Variants in MED27 observed in about 807,000 individuals in gnomAD.
MED27 encodes mediator of RNA polymerase II transcription subunit 27.
A neutral mutation model predicts 38.2 loss-of-function variants in MED27; 30 were observed. That is an observed-to-expected ratio of 0.79 (90% CI 0.59 to 1.07). The LOEUF (loss-of-function observed/expected upper bound fraction) is 1.07. Ranked by LOEUF, MED27 falls within the 50% of genes least tolerant of loss-of-function variation. MED27 has a pLI of 0.00. For synonymous variants in MED27, 122 were observed against 153.5 expected (o/e 0.79, Z 1.52); for missense variants, 289 against 397.5 (o/e 0.73, Z 2.32).
chr9:131,910,781 C>G (rs374666502), intron 4 of MED27, among the ~76,000 whole-genome samples: 2 of 152,198 alleles, frequency 1.3e-5, no homozygotes, highest in South Asian at 2.1e-4. Context: ...CTCTTTGCAG[C>G]CAAAGGACAA....
intron 4 of MED27, among the ~76,000 whole-genome samples, chr9:131,903,316 T>C (rs144697330): frequency 2.6e-4 from 40 of 152,238 alleles, no homozygotes; most frequent in African/African-American, 7.7e-4. Context: ...ATCCACTCAT[T>C]ATCATGAGAA....
chr9:131,896,559 G>C (rs1829836295), intron 4 of MED27, among the ~76,000 whole-genome samples: 1 of 151,788 alleles, frequency 6.6e-6, no homozygotes, highest in South Asian at 2.1e-4. Context: ...GTTTATTATG[G>C]AAAAATCTAA....
chr9:132,046,042 C>T (rs1833330698), intron 2 of MED27, among the ~76,000 whole-genome samples: 1 of 152,168 alleles, frequency 6.6e-6, no homozygotes, highest in African/African-American at 2.4e-5. Flanking sequence ...GCTCCCAGAC[C>T]AACTCTGTGA....
rs577890157 is a variant in MED27 at position 131,997,075 on chromosome 9, T to C, written c.479+17262A>G. On this transcript the variant is annotated intron_variant, in intron 3 of 7. Coordinates refer to ENST00000292035, the MANE Select transcript of MED27 (RefSeq NM_004269.4). The surrounding 1 kb of genome is among the most constrained non-coding windows in gnomAD (Gnocchi z 4.0). ...TTAAGGGTCAACTGTAGTTTAACAG[T>C]GGGTATTCATTGTAAAAAATAAAAT... 1.1e-4 allele frequency among the ~76,000 whole-genome samples: 17 copies of C among 152,238 alleles called. No homozygotes were observed. The South Asian group carries it at 3.5e-3, about 32-fold the overall frequency.
chr9:131,980,210 CG>C (rs896525416), intron 3 of MED27, among the ~76,000 whole-genome samples: 6 of 55,012 alleles, frequency 1.1e-4, no homozygotes, highest in African/African-American at 1.6e-4. Flanking sequence ...AGGCGGGTGG[CG>C]GGGGGGAGAG....
intron 4 of MED27, among the ~76,000 whole-genome samples, chr9:131,920,286 C>T (rs1830365207): frequency 6.6e-6 from 1 of 152,218 alleles, no homozygotes; most frequent in African/African-American, 2.4e-5. Flanking sequence ...AGGTATATGT[C>T]TGTTTTTCTC....
At chr9:131,983,441 G>T (rs1229152914) in intron 3 of MED27, among the ~76,000 whole-genome samples, 5 of 152,168 alleles carry the variant, frequency 3.3e-5, no homozygotes, top group African/African-American at 9.7e-5. Flanking sequence ...AGGGAAGAGG[G>T]TCCTTTTATT....
chr9:131,919,290 T>C (rs1273128085), intron 4 of MED27, among the ~76,000 whole-genome samples: 2 of 152,134 alleles, frequency 1.3e-5, no homozygotes. Flanking sequence ...CAGAATTGAG[T>C]GGGCCCAGAA....
chr9:131,861,094 A>AGGACAATTCC lies in MED27; in HGVS notation c.802-432_802-423dup, dbSNP rs889430843. Among the ~76,000 whole-genome samples, 1 of 152,108 alleles carries AGGACAATTCC rather than the reference A, an allele frequency of 6.6e-6. No homozygotes were observed. Among genetic ancestry groups the AGGACAATTCC allele is most frequent in the African/African-American group, 2.4e-5 (1 of 41,400 alleles). On this transcript the variant is annotated intron_variant, in intron 7 of 7. Transcript: ENST00000292035. The surrounding 1 kb of genome is among the most constrained non-coding windows in gnomAD (Gnocchi z 4.4). ...GTGTGCTGAGGAAGCCTTGGAACCG[A>AGGACAATTCC]GGACAATTCCAGAGTTCTCCGCGGA...
At chr9:132,041,637 G>A (rs1019898755) in intron 2 of MED27, among the ~76,000 whole-genome samples, 1 of 152,224 alleles carries the variant, frequency 6.6e-6, no homozygotes, top group Non-Finnish European at 1.5e-5. Flanking sequence ...CTGAAAGATG[G>A]ACAGTCACAG....
intron 4 of MED27, among the ~76,000 whole-genome samples, chr9:131,895,295 G>C (rs1277934135): frequency 6.6e-6 from 1 of 152,218 alleles, no homozygotes; most frequent in African/African-American, 2.4e-5. Context: ...CATAGTGCGA[G>C]TTGCTCTGAT....
intron 3 of MED27, among the ~76,000 whole-genome samples, chr9:131,943,114 A>T (rs1416291109): frequency 2.0e-5 from 3 of 152,184 alleles, no homozygotes; most frequent in African/African-American, 7.2e-5. Context: ...TTCCATTCAC[A>T]TGCCTAATAC....
intron 2 of MED27, among the ~76,000 whole-genome samples, chr9:132,036,250 C>G (rs1371732416): frequency 1.3e-5 from 2 of 152,114 alleles, no homozygotes; most frequent in African/African-American, 2.4e-5. Flanking sequence ...GTTGCCCATG[C>G]TGGAGTGCAG....
intron 3 of MED27, among the ~76,000 whole-genome samples, chr9:131,968,524 A>T (rs1346568097): frequency 6.6e-6 from 1 of 150,612 alleles, no homozygotes; most frequent in Non-Finnish European, 1.5e-5. Flanking sequence ...AAGGGACCCA[A>T]CCCTCTTCTT....
chr9:131,883,999 C>A lies in MED27; in HGVS notation c.723+59G>T. On this transcript the variant is annotated intron_variant, in intron 6 of 7. Transcript: ENST00000292035. This position sits in a 1 kb window ranked among gnomAD's most constrained non-coding sequence, Gnocchi z 4.2. Reference sequence around the variant, plus strand: ...TCTGATTTGAGACCAATGTTTAAACCTCAAAGCATTCACGTTTTCCTAATG... The same window carrying A: ...TCTGATTTGAGACCAATGTTTAAACATCAAAGCATTCACGTTTTCCTAATG... The A allele has an allele frequency of 1.4e-6, 2 of 1,463,608 alleles. No homozygotes were observed. Among genetic ancestry groups the A allele is most frequent in the Non-Finnish European group, 1.9e-6 (2 of 1,052,080 alleles). The allele number at this position is 1,463,608 out of a possible 1,614,324, so 90.7% of individuals were successfully genotyped here. A position where few individuals can be genotyped will look rare whatever the true frequency, so the allele number is the denominator to read the frequency against.
At chr9:132,002,021 G>A (rs1361917970) in intron 3 of MED27, among the ~76,000 whole-genome samples, 5 of 152,188 alleles carry the variant, frequency 3.3e-5, no homozygotes, top group Non-Finnish European at 7.3e-5. Context: ...GCAAAGCTGT[G>A]GCCCTGCATC....
chr9:132,042,646 T>C (rs1479166070), intron 2 of MED27, among the ~76,000 whole-genome samples: 1 of 152,232 alleles, frequency 6.6e-6, no homozygotes, highest in Non-Finnish European at 1.5e-5. Context: ...CTTAGATCTA[T>C]GAGTGGACCC....
chr9:132,048,267 T>C (rs2131131720), intron 2 of MED27, among the ~76,000 whole-genome samples: 1 of 152,144 alleles, frequency 6.6e-6, no homozygotes, highest in Non-Finnish European at 1.5e-5. Context: ...AATTTTTCTC[T>C]CAGGAATGGA....
intron 6 of MED27, among the ~76,000 whole-genome samples, chr9:131,877,402 CT>C (rs1838955488): frequency 6.6e-6 from 1 of 152,042 alleles, no homozygotes; most frequent in African/African-American, 2.4e-5. Context: ...TCTGTCTCTA[CT>C]AAAAATACAC....
Sources: gnomAD v4.1 joint callset for allele counts (sites outside exome capture counted in the v4.1 genomes callset) on GRCh38, gnomAD v4.1.1 for gene constraint, Gnocchi (gnomAD v3.1) non-coding constraint, MANE v1.5 for transcripts, NCBI Gene and HGNC (gene_info 2026-07-23, HGNC 2026-07-21) for gene names.